Variants in MIPOL1 observed in about 807,000 individuals in gnomAD.
MIPOL1 encodes mirror-image polydactyly 1, also known as mirror-image polydactyly gene 1 protein.
In MIPOL1, 57 loss-of-function variants were observed where a neutral mutation model predicts 60.9. The ratio of observed to expected loss-of-function variants is 0.94; its 90% CI spans 0.76 to 1.17. The LOEUF is 1.17. MIPOL1 is among the 50% of genes most tolerant of loss of function. MIPOL1 has a pLI of 0.00. For missense variants in MIPOL1, 551 were observed against 511.6 expected (o/e 1.08, Z -0.74); for synonymous variants, 179 against 168.8 (o/e 1.06, Z -0.47).
Position 37,268,639 on chromosome 14 carries a change from A to C in MIPOL1, c.252-19A>C. On this transcript the variant is annotated intron_variant, in intron 4 of 12. Transcript: ENST00000684589. ...TAGTTTATCTTACTCTGAAATGTTA[A>C]TCAGTTTCTTTATTACAGCGTTATG... 1 of 1,554,970 alleles carries C rather than the reference A, an allele frequency of 6.4e-7. No individual in the cohort carries two copies. Among genetic ancestry groups the C allele is most frequent in the Non-Finnish European group, 8.7e-7 (1 of 1,152,158 alleles).
intron 10 of MIPOL1, among the ~76,000 whole-genome samples, chr14:37,413,973 A>T (rs1190223333): frequency 6.6e-6 from 1 of 152,190 alleles, no homozygotes; most frequent in Non-Finnish European, 1.5e-5. Context: ...GAGATAAAGG[A>T]AGACCATAAA....
chr14:37,422,801 ATT>A, intron 10 of MIPOL1, 52 bp from the exon 11 acceptor site: 1 of 1,225,808 alleles, frequency 8.2e-7, no homozygotes, highest in Non-Finnish European at 1.2e-6. Flanking sequence ...GTGGTACTGT[ATT>A]TTATCATACC....
intron 9 of MIPOL1, among the ~76,000 whole-genome samples, chr14:37,351,405 G>T (rs1466511265): frequency 6.7e-6 from 1 of 150,286 alleles, no homozygotes; most frequent in Non-Finnish European, 1.5e-5. Context: ...ATGATTTATA[G>T]TCCTTTGGGT....
At chr14:37,481,275 G>A (rs1231509984) in intron 11 of MIPOL1, among the ~76,000 whole-genome samples, 2 of 152,002 alleles carry the variant, frequency 1.3e-5, no homozygotes, top group East Asian at 3.9e-4. Flanking sequence ...ATTTGCAATA[G>A]CTACCCCCTA....
At chr14:37,209,142 T>G (rs1966550349) in intron 1 of MIPOL1, among the ~76,000 whole-genome samples, 1 of 152,186 alleles carries the variant, frequency 6.6e-6, no homozygotes, top group East Asian at 1.9e-4. Flanking sequence ...TGATGTTATA[T>G]TTAGTTGTTA....
At chr14:37,473,468 T>C (rs905788993) in intron 11 of MIPOL1, among the ~76,000 whole-genome samples, 14 of 152,298 alleles carry the variant, frequency 9.2e-5, no homozygotes, top group South Asian at 6.2e-4. Flanking sequence ...ACTGTTCCTT[T>C]GTATCTTGTC....
chr14:37,397,937 C>A (rs573726776), intron 10 of MIPOL1, among the ~76,000 whole-genome samples: 1 of 152,312 alleles, frequency 6.6e-6, no homozygotes, highest in East Asian at 1.9e-4. Flanking sequence ...TCTTCCCCAA[C>A]CTGTGGAGTC....
At chr14:37,448,792 C>A (rs1390945017) in intron 11 of MIPOL1, among the ~76,000 whole-genome samples, 3 of 152,138 alleles carry the variant, frequency 2.0e-5, no homozygotes, top group Non-Finnish European at 4.4e-5. Flanking sequence ...TACTAAAAAA[C>A]AAAACAGAAT....
intron 1 of MIPOL1, among the ~76,000 whole-genome samples, chr14:37,242,705 C>CTCT: frequency 6.6e-6 from 1 of 152,220 alleles, no homozygotes; most frequent in East Asian, 1.9e-4. Context: ...ATGCCAGATA[C>CTCT]TCTTCTAAGG....
At chr14:37,267,507 A>G (rs1342943343) in intron 4 of MIPOL1, among the ~76,000 whole-genome samples, 1 of 151,720 alleles carries the variant, frequency 6.6e-6, no homozygotes, top group Non-Finnish European at 1.5e-5. Flanking sequence ...AAAAAGAGAA[A>G]GTTAGAATTG....
At chr14:37,388,157 T>TAA (rs556756255) in intron 10 of MIPOL1, among the ~76,000 whole-genome samples, 2 of 145,260 alleles carry the variant, frequency 1.4e-5, no homozygotes, top group African/African-American at 5.0e-5. Flanking sequence ...TTAGAAAGGA[T>TAA]AAAAAAAAAA....
At chr14:37,366,009 T>A (rs1344810171) in intron 9 of MIPOL1, among the ~76,000 whole-genome samples, 2 of 152,112 alleles carry the variant, frequency 1.3e-5, no homozygotes, top group Non-Finnish European at 2.9e-5. Context: ...TTGCTCATAG[T>A]AGCCACTAAT....
chr14:37,491,757 TAAAG>T (rs1295697897), intron 11 of MIPOL1, among the ~76,000 whole-genome samples: 1 of 152,208 alleles, frequency 6.6e-6, no homozygotes, highest in Non-Finnish European at 1.5e-5. Context: ...TACTTTATAA[TAAAG>T]AAATTATTTT....
intron 1 of MIPOL1, among the ~76,000 whole-genome samples, chr14:37,217,079 A>G (rs1192677304): frequency 3.3e-5 from 5 of 152,222 alleles, no homozygotes; most frequent in African/African-American, 1.2e-4. Context: ...GAGACATTAC[A>G]ACTGATACTG....
chr14:37,477,364 A>T (rs937945958), intron 11 of MIPOL1, among the ~76,000 whole-genome samples: 2 of 151,956 alleles, frequency 1.3e-5, no homozygotes, highest in Non-Finnish European at 2.9e-5. Context: ...CCATTTTTGG[A>T]ATGTTATTGA....
At chr14:37,460,575 G>C (rs150313824) in intron 11 of MIPOL1, among the ~76,000 whole-genome samples, 1,601 of 152,220 alleles carry the variant, frequency 0.011, 14 homozygotes, top group Middle Eastern at 0.031. Context: ...AATTATCCCT[G>C]TTCACTGATG....
At chr14:37,476,586 A>C (rs2094778059) in intron 11 of MIPOL1, among the ~76,000 whole-genome samples, 1 of 152,174 alleles carries the variant, frequency 6.6e-6, no homozygotes, top group Admixed American at 6.5e-5. Context: ...TGTTCTGTAT[A>C]AAATTGAGAT....
intron 10 of MIPOL1, among the ~76,000 whole-genome samples, chr14:37,376,048 G>A (rs1188378229): frequency 6.6e-6 from 1 of 152,048 alleles, no homozygotes; most frequent in African/African-American, 2.4e-5. Flanking sequence ...TTTTAGAGTA[G>A]TTTTAGGTTC....
At chr14:37,318,746 A>C (rs1475896522) in intron 9 of MIPOL1, among the ~76,000 whole-genome samples, 3 of 152,110 alleles carry the variant, frequency 2.0e-5, no homozygotes, top group Non-Finnish European at 4.4e-5. Context: ...CTGATTTTTC[A>C]CATTGATTTG....
Sources: gnomAD v4.1 joint callset for allele counts (sites outside exome capture counted in the v4.1 genomes callset) on GRCh38, gnomAD v4.1.1 for gene constraint, MANE v1.5 for transcripts, NCBI Gene and HGNC (gene_info 2026-07-23, HGNC 2026-07-21) for gene names.